The following TMTC1 variants were observed in gnomAD, a reference collection of about 807,000 sequenced individuals.
TMTC1 encodes the protein protein O-mannosyl-transferase TMTC1.
In TMTC1, 73 loss-of-function variants were observed where a neutral mutation model predicts 104.8. The observed-to-expected ratio is 0.70, with a 90% CI of 0.58 to 0.85. The LOEUF is 0.85. Ranked by LOEUF, TMTC1 falls within the 40% of genes least tolerant of loss-of-function variation. TMTC1 has a pLI of 0.00. For missense variants in TMTC1, 1,035 were observed against 1,096.1 expected, an observed-to-expected ratio of 0.94 and a Z score of 0.79; for synonymous variants, 434 against 428.7, an observed-to-expected ratio of 1.01 and a Z score of -0.15.
At position 29,758,494 on chromosome 12, in the gene TMTC1, C is replaced by A. The variant is rs1179419613; in HGVS notation, c.554+210G>T. ...GGGTTCCCAACACTGGGAAAGCAAT[C>A]CCTTTAAGGTGCTACAGTGTGGTTC... On this transcript the variant is annotated intron_variant, in intron 3 of 17. Transcript: ENST00000539277. Among the ~76,000 whole-genome samples, 5 of 152,130 alleles carry A rather than the reference C, an allele frequency of 3.3e-5. 1 individual carries two copies.
chr12:29,691,599 C>G (rs2136757913), intron 5 of TMTC1, among the ~76,000 whole-genome samples: 1 of 141,338 alleles, frequency 7.1e-6, no homozygotes, highest in South Asian at 2.3e-4. Context: ...TACCGGAAGC[C>G]AAAACTGAGG....
At position 29,728,752 on chromosome 12, in the gene TMTC1, A is replaced by G. The variant is rs146263944; in HGVS notation, c.938+22914T>C. Among the ~76,000 whole-genome samples, 1,363 of 151,986 alleles carry G rather than the reference A, an allele frequency of 9.0e-3. 15 individuals carry two copies. Among genetic ancestry groups the G allele is most frequent in the African/African-American group, 0.031 (1,297 of 41,436 alleles). On this transcript the variant is annotated intron_variant, in intron 5 of 17. Coordinates refer to ENST00000539277, the MANE Select transcript of TMTC1 (RefSeq NM_001193451.2). ...AGTGGCTTACGCCTGTAATCTCAGC[A>G]CTTTGGGAGGCCAAGGGAGGTGGAT...
chr12:29,726,631 T>C (rs1393080648), intron 5 of TMTC1, among the ~76,000 whole-genome samples: 2 of 152,166 alleles, frequency 1.3e-5, no homozygotes, highest in Non-Finnish European at 2.9e-5. Context: ...TTCTCTCCAA[T>C]CTCATTATAC....
chr12:29,508,719 G>A (rs900083622), intron 17 of TMTC1, among the ~76,000 whole-genome samples: 2 of 151,860 alleles, frequency 1.3e-5, no homozygotes, highest in Non-Finnish European at 2.9e-5. Flanking sequence ...GACTACAGGC[G>A]TGCACCACAA....
chr12:29,518,659 C>T (rs1304213697), intron 12 of TMTC1, 52 bp from the exon 13 acceptor site: 2 of 1,582,114 alleles, frequency 1.3e-6, no homozygotes, highest in African/African-American at 1.3e-5. Flanking sequence ...TTATAAAAGA[C>T]ATGAACATTT....
At chr12:29,618,955 AT>A (rs1947059775) in intron 6 of TMTC1, among the ~76,000 whole-genome samples, 1 of 152,232 alleles carries the variant, frequency 6.6e-6, no homozygotes, top group Admixed American at 6.5e-5. Context: ...TTTTATGAAA[AT>A]ATGAATCATT....
intron 5 of TMTC1, among the ~76,000 whole-genome samples, chr12:29,709,307 C>T (rs117544193): frequency 0.024 from 3,710 of 152,156 alleles, 47 homozygotes; most frequent in Middle Eastern, 0.048. Flanking sequence ...AGAGCCTCAG[C>T]CAGTCTTCTG....
chr12:29,661,627 C>A (rs1045810144), intron 5 of TMTC1, among the ~76,000 whole-genome samples: 1 of 133,052 alleles, frequency 7.5e-6, no homozygotes, highest in Non-Finnish European at 1.6e-5. Context: ...GTACAGATGG[C>A]GTTTTGCCAT....
At chr12:29,739,320 G>A (rs1026064465) in intron 5 of TMTC1, among the ~76,000 whole-genome samples, 21 of 151,634 alleles carry the variant, frequency 1.4e-4, no homozygotes, top group African/African-American at 5.1e-4. Flanking sequence ...CATACACAGA[G>A]AGAGAGAGGC....
intron 11 of TMTC1, among the ~76,000 whole-genome samples, chr12:29,524,213 A>G (rs3910441): frequency 0.44 from 66,454 of 151,978 alleles, 17,244 homozygotes; most frequent in African/African-American, 0.73. Flanking sequence ...ATGATCAAGA[A>G]GATCAAATCA....
chr12:29,747,521 T>C lies in TMTC1; in HGVS notation c.938+4145A>G, dbSNP rs898691598. 3.3e-5 allele frequency among the ~76,000 whole-genome samples: 5 copies of C among 152,316 alleles called. No homozygotes were observed. The South Asian group carries it at 6.2e-4, about 19-fold the overall frequency. ...CTTCTGAAAACAATATTTTGCCTGA[T>C]AACATTTGGCCCAATTCTTGTCAAC... On this transcript the variant is annotated intron_variant, in intron 5 of 17. Coordinates refer to ENST00000539277, the MANE Select transcript of TMTC1 (RefSeq NM_001193451.2).
chr12:29,747,168 T>C (rs1371922318), intron 5 of TMTC1, among the ~76,000 whole-genome samples: 5 of 152,168 alleles, frequency 3.3e-5, no homozygotes, highest in Non-Finnish European at 7.4e-5. Flanking sequence ...GATATATATA[T>C]GGAATGAAGA....
At chr12:29,551,923 T>C (rs908367697) in intron 10 of TMTC1, among the ~76,000 whole-genome samples, 7 of 152,126 alleles carry the variant, frequency 4.6e-5, no homozygotes, top group African/African-American at 1.7e-4. Flanking sequence ...TCATGACATA[T>C]TAGCTGCAAA....
chr12:29,654,085 T>C (rs1386037183), intron 5 of TMTC1, among the ~76,000 whole-genome samples: 1 of 152,046 alleles, frequency 6.6e-6, no homozygotes, highest in African/African-American at 2.4e-5. Context: ...ACAACAAAAA[T>C]AAATTGGACT....
chr12:29,747,173 T>C (rs1942975322), intron 5 of TMTC1, among the ~76,000 whole-genome samples: 1 of 152,192 alleles, frequency 6.6e-6, no homozygotes, highest in Admixed American at 6.5e-5. Context: ...ATATATGGAA[T>C]GAAGATAAGA....
Position 29,554,734 on chromosome 12 carries a change from G to T in TMTC1, c.1676+2123C>A, listed in dbSNP as rs183741265. On this transcript the variant is annotated intron_variant, in intron 10 of 17. Coordinates refer to ENST00000539277, the MANE Select transcript of TMTC1 (RefSeq NM_001193451.2). ...AAATACAAAAAGCTTAGCCAGCCAT[G>T]GGGGGGCATGCCTATAGTCCCACCT... is the stretch of plus-strand genomic sequence containing the variant. Among the ~76,000 whole-genome samples the T allele has an allele frequency of 6.6e-3, 998 of 152,010 alleles. 4 individuals carry two copies. The highest frequency in any genetic ancestry group is 8.1e-3 in the Non-Finnish European group (548 of 67,960).
At chr12:29,536,107 A>G (rs757040177) in intron 11 of TMTC1, 102 bp downstream of exon 11, 5 of 806,064 alleles carry the variant, frequency 6.2e-6, no homozygotes, top group Non-Finnish European at 1.0e-5. Flanking sequence ...TTGGTTGTCC[A>G]ATATGGGTTT....
chr12:29,768,920 C>T (rs1943534852), intron 1 of TMTC1, among the ~76,000 whole-genome samples: 1 of 152,158 alleles, frequency 6.6e-6, no homozygotes, highest in Non-Finnish European at 1.5e-5. Flanking sequence ...CCAATTGATT[C>T]TGTGGGGTTA....
At chr12:29,659,890 T>A in intron 5 of TMTC1, 1 of 1,535,104 alleles carries the variant, frequency 6.5e-7, no homozygotes, top group Non-Finnish European at 8.7e-7. Context: ...CTCGTAAGAA[T>A]GTAAGGCGAA....
Sources: allele counts gnomAD v4.1 joint callset (sites outside exome capture counted in the v4.1 genomes callset), GRCh38; gene constraint gnomAD v4.1.1; transcripts MANE v1.5; gene names NCBI Gene and HGNC (gene_info 2026-07-23, HGNC 2026-07-21).